Variants in WWOX observed in about 807,000 individuals in gnomAD.
The protein encoded by WWOX is WW domain containing oxidoreductase.
In WWOX, 69 loss-of-function variants were observed where a neutral mutation model predicts 46.2. That is an observed-to-expected ratio of 1.49 (90% CI 1.23 to 1.82). WWOX has a LOEUF of 1.82. Ranked by LOEUF, WWOX falls within the 40% of genes most tolerant of loss-of-function variation. The probability of loss-of-function intolerance (pLI) is 0.00; values close to 1 mark genes in which losing one functional copy is unlikely to be tolerated. For missense variants in WWOX, 919 were observed against 542.6 expected, an observed-to-expected ratio of 1.69 and a Z score of -6.89; for synonymous variants, 359 against 202.6, an observed-to-expected ratio of 1.77 and a Z score of -6.56.
At chr16:78,316,679 A>C (rs775680471) in intron 5 of WWOX, among the ~76,000 whole-genome samples, 2 of 152,104 alleles carry the variant, frequency 1.3e-5, no homozygotes, top group Non-Finnish European at 2.9e-5. Flanking sequence ...GGGACTTGTT[A>C]ACTTCTGTAT....
intron 5 of WWOX, among the ~76,000 whole-genome samples, chr16:78,231,547 C>A (rs954355304): frequency 8.5e-5 from 13 of 152,192 alleles, no homozygotes; most frequent in African/African-American, 2.7e-4. Flanking sequence ...CAATAAACTC[C>A]TCTGCAGAAT....
At chr16:78,859,133 G>A (rs549943085) in intron 8 of WWOX, among the ~76,000 whole-genome samples, 1 of 143,806 alleles carries the variant, frequency 7.0e-6, no homozygotes. Flanking sequence ...GCTCCTTGAT[G>A]TTCTCGGGGT....
chr16:79,114,431 T>A (rs778900043), intron 8 of WWOX, among the ~76,000 whole-genome samples: 1 of 151,252 alleles, frequency 6.6e-6, no homozygotes, highest in African/African-American at 2.4e-5. Context: ...TGCACATACC[T>A]ACATGCACAC....
At chr16:78,343,339 G>C (rs2081046234) in intron 5 of WWOX, among the ~76,000 whole-genome samples, 1 of 120,932 alleles carries the variant, frequency 8.3e-6, no homozygotes, top group Non-Finnish European at 2.0e-5. Context: ...CTTGCTTCTA[G>C]GCACATTAAA....
intron 8 of WWOX, among the ~76,000 whole-genome samples, chr16:78,471,986 T>G (rs1219730985): frequency 6.6e-6 from 1 of 152,216 alleles, no homozygotes; most frequent in Non-Finnish European, 1.5e-5. Context: ...TGTTACCTAA[T>G]TCCAATGTTT....
intron 5 of WWOX, among the ~76,000 whole-genome samples, chr16:78,309,146 G>A (rs559877927): frequency 6.6e-6 from 1 of 152,266 alleles, no homozygotes; most frequent in Admixed American, 6.5e-5. Flanking sequence ...ATCTCATCTT[G>A]AATTGTAATC....
chr16:78,112,142 A>T (rs1319854240), intron 3 of WWOX: 1 of 152,248 alleles, frequency 6.6e-6, no homozygotes, highest in Non-Finnish European at 1.5e-5. Context: ...CGCTAAGCCC[A>T]GTAGGGCTGG....
chr16:78,433,756 A>G (rs1401608763), intron 8 of WWOX, among the ~76,000 whole-genome samples: 1 of 144,988 alleles, frequency 6.9e-6, no homozygotes, highest in Non-Finnish European at 1.5e-5. Flanking sequence ...TGCCACCCTT[A>G]ACCTTCGTAT....
chr16:78,622,517 G>A (rs2046214034), intron 8 of WWOX, among the ~76,000 whole-genome samples: 1 of 149,508 alleles, frequency 6.7e-6, no homozygotes, highest in South Asian at 2.2e-4. Context: ...ACTCCAGCCT[G>A]GGTGACAAGA....
chr16:78,919,249 C>A (rs1312559305), intron 8 of WWOX, among the ~76,000 whole-genome samples: 1 of 152,026 alleles, frequency 6.6e-6, no homozygotes, highest in African/African-American at 2.4e-5. Flanking sequence ...CTGGCAGAGA[C>A]ACCCCCCCAC....
intron 8 of WWOX, among the ~76,000 whole-genome samples, chr16:78,474,973 A>T (rs2084320222): frequency 6.6e-6 from 1 of 152,314 alleles, no homozygotes; most frequent in South Asian, 2.1e-4. Context: ...TATTTAATTT[A>T]TTTAGGCACG....
rs566107927 is a variant in WWOX, at chr16:78,788,880, A to T, written c.1056+356128A>T. Among the ~76,000 whole-genome samples, 16 of 152,278 alleles carry T rather than the reference A, an allele frequency of 1.1e-4. 1 individual carries two copies. In the South Asian group the frequency reaches 2.9e-3, roughly 28 times the overall value. On this transcript the variant is annotated intron_variant, in intron 8 of 8. Transcript: ENST00000566780. ...CTCCACGTAGACAGTGTCAGGATTG[A>T]ATTGGAGGACTCCCAGCTGCTGTCC...
At chr16:78,647,078 G>A (rs113718323) in intron 8 of WWOX, among the ~76,000 whole-genome samples, 6 of 152,102 alleles carry the variant, frequency 3.9e-5, no homozygotes, top group South Asian at 2.1e-4. Context: ...TTCCTTCCCC[G>A]ATGATGGCCA....
chr16:78,433,421 G>A (rs1194445374), intron 8 of WWOX, among the ~76,000 whole-genome samples: 1 of 152,162 alleles, frequency 6.6e-6, no homozygotes, highest in East Asian at 1.9e-4. Context: ...GTTTTAGTAG[G>A]AAGTATTTTG....
At chr16:78,420,546 A>G (rs905744031) in intron 6 of WWOX, among the ~76,000 whole-genome samples, 1 of 152,138 alleles carries the variant, frequency 6.6e-6, no homozygotes, top group Admixed American at 6.5e-5. Context: ...GGTTCCATTT[A>G]GTATATAAAA....
At chr16:78,497,346 A>G (rs1379668560) in intron 8 of WWOX, among the ~76,000 whole-genome samples, 3 of 152,260 alleles carry the variant, frequency 2.0e-5, no homozygotes, top group African/African-American at 4.8e-5. Flanking sequence ...TAAACATAAG[A>G]TCTGACAGTG....
At chr16:79,199,966 C>G (rs1366674037) in intron 8 of WWOX, among the ~76,000 whole-genome samples, 1 of 152,182 alleles carries the variant, frequency 6.6e-6, no homozygotes, top group Non-Finnish European at 1.5e-5. Context: ...TTTCTGTTAA[C>G]TGTGGGGGCA....
intron 8 of WWOX, among the ~76,000 whole-genome samples, chr16:78,857,041 A>G (rs2151186654): frequency 6.6e-6 from 1 of 152,366 alleles, no homozygotes; most frequent in Non-Finnish European, 1.5e-5. Context: ...GAAAAGGTAC[A>G]GTTAAAATAT....
intron 8 of WWOX, among the ~76,000 whole-genome samples, chr16:78,518,740 T>G (rs757501337): frequency 1.3e-5 from 2 of 152,200 alleles, no homozygotes; most frequent in Non-Finnish European, 2.9e-5. Flanking sequence ...AAGGTCCCAA[T>G]GGCACCAGAA....
Sources: gnomAD v4.1 joint callset for allele counts (sites outside exome capture counted in the v4.1 genomes callset) on GRCh38, gnomAD v4.1.1 for gene constraint, MANE v1.5 for transcripts, NCBI Gene and HGNC (gene_info 2026-07-23, HGNC 2026-07-21) for gene names.